Variants in CPSF4L observed in about 807,000 individuals in gnomAD.
CPSF4L encodes putative cleavage and polyadenylation specificity factor subunit 4-like protein.
A neutral mutation model predicts 24.0 loss-of-function variants in CPSF4L; 18 were observed. That is an observed-to-expected ratio of 0.75 (90% CI 0.52 to 1.11). CPSF4L has a LOEUF of 1.11. Among genes scored for constraint, CPSF4L ranks in the 50% least tolerant of loss-of-function variants. The probability of loss-of-function intolerance (pLI) is 0.00; values close to 1 mark genes in which losing one functional copy is unlikely to be tolerated. For missense variants in CPSF4L, 211 were observed against 221.8 expected (o/e 0.95, Z 0.31); for synonymous variants, 72 against 77.2 (o/e 0.93, Z 0.35).
chr17:73,250,291 C>G, intron 5 of CPSF4L: 1 of 1,550,682 alleles, frequency 6.4e-7, no homozygotes, highest in Non-Finnish European at 8.7e-7. Flanking sequence ...GGCATAATGG[C>G]CTGGTCTTTG....
At chr17:73,252,188 T>C (rs1420712173) in intron 5 of CPSF4L, among the ~76,000 whole-genome samples, 4 of 152,196 alleles carry the variant, frequency 2.6e-5, no homozygotes, top group African/African-American at 7.2e-5. Flanking sequence ...AAGATTCATC[T>C]TGGGACTAAG....
chr17:73,261,674 CAG>C, intron 1 of CPSF4L, 40 bp downstream of exon 1: 1 of 1,325,808 alleles, frequency 7.5e-7, no homozygotes, highest in Non-Finnish European at 1.1e-6. Flanking sequence ...GAAAAAAAAA[CAG>C]AGAAGGTAGG....
intron 5 of CPSF4L, chr17:73,251,029 CTG>C (rs1279352242): frequency 1.3e-6 from 2 of 1,549,822 alleles, no homozygotes; most frequent in Non-Finnish European, 1.7e-6. Flanking sequence ...AGCAGGCACT[CTG>C]TTGGGGATGG....
downstream of CPSF4L, among the ~76,000 whole-genome samples, chr17:73,246,197 C>T (rs2061948291): frequency 6.6e-6 from 1 of 152,146 alleles, no homozygotes; most frequent in South Asian, 2.1e-4. Flanking sequence ...GTCCTCATGC[C>T]AAAATACATG....
the CPSF4L span, chr17:73,242,766 A>C: frequency 1.5e-6 from 1 of 665,720 alleles, no homozygotes; most frequent in East Asian, 2.7e-5. Context: ...TTATGTGTTT[A>C]AAATATGTGC....
At chr17:73,252,799 G>A (rs1329950466) in intron 4 of CPSF4L, 76 bp from the exon 5 acceptor site, 9 of 942,050 alleles carry the variant, frequency 9.6e-6, no homozygotes, top group Non-Finnish European at 1.5e-5. Flanking sequence ...AAGCTCCCTA[G>A]GAAGGGTGTG....
chr17:73,261,764 C>A lies in CPSF4L; in HGVS notation c.55G>T (p.Val19Phe). ...AGCCCAGTGCCCTTCTGCATCTCGA[C>A]ATCCTTCTCGAAGGCAAAGGTGAAC... ...ERFTFAFEKD[V>F]EMQKGTGLLP... Residue 19 changes from valine (V) to phenylalanine (F), a missense_variant, in exon 1 of 6, where the codon GTC becomes TTC. Physicochemically the swap from Val to Phe is conservative, Grantham distance 50 (BLOSUM62 -1). Coordinates refer to ENST00000344935, the MANE Select transcript of CPSF4L (RefSeq NM_001129885.1). 6.4e-7 allele frequency: 1 copy of A among 1,551,846 alleles called. No individual in the cohort carries two copies. The highest frequency in any genetic ancestry group is 8.7e-7 in the Non-Finnish European group (1 of 1,147,000).
intron 3 of CPSF4L, among the ~76,000 whole-genome samples, chr17:73,256,749 G>A (rs993960393): frequency 1.3e-5 from 2 of 152,104 alleles, no homozygotes; most frequent in African/African-American, 2.4e-5. Flanking sequence ...AAAGGAGGCC[G>A]GGCACCGCAG....
At chr17:73,263,335 G>C (rs1400280312), upstream of CPSF4L, among the ~76,000 whole-genome samples, 2 of 152,120 alleles carry the variant, frequency 1.3e-5, no homozygotes, top group Non-Finnish European at 2.9e-5. Context: ...AAACATCCCT[G>C]AGCATCTCTG....
chr17:73,261,801 C>T lies in CPSF4L; in HGVS notation c.18G>A (p.Ala6=), dbSNP rs375956317. 8.1e-5 allele frequency: 125 copies of T among 1,551,600 alleles called. No homozygotes were observed. Among genetic ancestry groups the T allele is most frequent in the African/African-American group, 1.1e-4 (8 of 73,064 alleles). ...AGGCAAAGGTGAACCGCTCTAGCCC[C>T]GCAATGACCTCTTGCATCTTCCGTC... MQEVI[A]GLERFTFAFE... is the part of the protein sequence containing the mutation. Residue 6 remains alanine (A), a synonymous_variant, in exon 1 of 6, where the codon GCG becomes GCA. Transcript: ENST00000344935.
chr17:73,252,442 C>T (rs1599411429), intron 5 of CPSF4L, among the ~76,000 whole-genome samples, 188 bp downstream of exon 5: 1 of 152,188 alleles, frequency 6.6e-6, no homozygotes, highest in African/African-American at 2.4e-5. Flanking sequence ...CATGAATACA[C>T]ATTAAGAGGA....
the CPSF4L span, chr17:73,242,438 G>C: frequency 1.2e-6 from 1 of 842,000 alleles, no homozygotes; most frequent in Non-Finnish European, 1.8e-6. Context: ...CAAGGCTAAA[G>C]AGGAGAGGAA....
intron 1 of CPSF4L, among the ~76,000 whole-genome samples, 153 bp from the exon 2 acceptor site, chr17:73,261,136 G>C (rs539601946): frequency 7.2e-5 from 11 of 152,308 alleles, no homozygotes; most frequent in African/African-American, 2.6e-4. Context: ...TTAACCTGCA[G>C]AGCCAGCCAG....
At chr17:73,258,559 C>T (rs1197810579) in intron 2 of CPSF4L, among the ~76,000 whole-genome samples, 1 of 152,216 alleles carries the variant, frequency 6.6e-6, no homozygotes, top group East Asian at 1.9e-4. Flanking sequence ...GCCTCAGCCT[C>T]CCAAAGTGCT....
chr17:73,261,803 C>T lies in CPSF4L; in HGVS notation c.16G>A (p.Ala6Thr). The change falls in exon 1 of 6, where the codon GCG (alanine) becomes ACG (threonine). Residue 6 changes from alanine (A) to threonine (T), a missense_variant. Physicochemically the swap from Ala to Thr is moderately conservative, Grantham distance 58. Transcript: ENST00000344935. Reference protein sequence around the residue: MQEVIAGLERFTFAFE... With the variant: MQEVITGLERFTFAFE... ...GCAAAGGTGAACCGCTCTAGCCCCG[C>T]AATGACCTCTTGCATCTTCCGTCTC... 6.4e-7 allele frequency: 1 copy of T among 1,551,712 alleles called. No individual in the cohort carries two copies. The highest frequency in any genetic ancestry group is 1.2e-5 in the South Asian group (1 of 84,062).
At chr17:73,251,438 A>G (rs1307571017) in intron 5 of CPSF4L, among the ~76,000 whole-genome samples, 2 of 152,086 alleles carry the variant, frequency 1.3e-5, no homozygotes, top group East Asian at 3.9e-4. Context: ...TAGCTGCCCC[A>G]GTGTTGGCGC....
chr17:73,242,415 T>C, the CPSF4L span: 1 of 1,161,014 alleles, frequency 8.6e-7, no homozygotes, highest in African/African-American at 1.6e-5. Flanking sequence ...AAGTTTCTCT[T>C]CGGGCTGTTA....
the CPSF4L span, chr17:73,243,130 G>C: frequency 1.2e-5 from 9 of 742,706 alleles, no homozygotes; most frequent in South Asian, 1.5e-5. Flanking sequence ...GCATGCCCTG[G>C]TGAATGAGCT....
intron 5 of CPSF4L, chr17:73,251,110 G>A (rs2145274532): frequency 6.5e-7 from 1 of 1,540,128 alleles, no homozygotes; most frequent in South Asian, 1.2e-5. Context: ...AGCTACAGCT[G>A]AAGTGCAGTC....
Sources: gnomAD v4.1 joint callset for allele counts (sites outside exome capture counted in the v4.1 genomes callset) on GRCh38, gnomAD v4.1.1 for gene constraint, MANE v1.5 for transcripts, NCBI Gene and HGNC (gene_info 2026-07-23, HGNC 2026-07-21) for gene names.